The following TPD52 variants were observed in gnomAD, a reference collection of about 807,000 sequenced individuals.
TPD52 encodes prostate and colon associated protein.
TPD52 carries 17 observed loss-of-function variants against 31.3 expected under a neutral mutation model. That is an observed-to-expected ratio of 0.54 (90% CI 0.37 to 0.82). The LOEUF (loss-of-function observed/expected upper bound fraction) is 0.82. Ranked by LOEUF, TPD52 falls within the 40% of genes least tolerant of loss-of-function variation. TPD52 has a pLI of 0.00. For synonymous variants in TPD52, 83 were observed against 89.6 expected, an observed-to-expected ratio of 0.93 and a Z score of 0.42; for missense variants, 212 against 240.1, an observed-to-expected ratio of 0.88 and a Z score of 0.77.
At chr8:80,079,869 C>T (rs957868097) in intron 1 of TPD52, among the ~76,000 whole-genome samples, 5 of 151,998 alleles carry the variant, frequency 3.3e-5, no homozygotes, top group Non-Finnish European at 5.9e-5. Flanking sequence ...AAGTTGCTCT[C>T]AATATTCCAT....
intron 2 of TPD52, among the ~76,000 whole-genome samples, chr8:80,061,366 TC>T (rs1315306050): frequency 4.9e-5 from 3 of 60,666 alleles, no homozygotes; most frequent in African/African-American, 1.8e-4. Flanking sequence ...CTCCATACCT[TC>T]CCCCCCACCG....
intron 1 of TPD52, among the ~76,000 whole-genome samples, chr8:80,149,167 G>A (rs533229797): frequency 4.6e-5 from 7 of 152,260 alleles, no homozygotes; most frequent in East Asian, 1.9e-4. Flanking sequence ...CATAATTCCC[G>A]TGTGTTGTGG....
intron 1 of TPD52, among the ~76,000 whole-genome samples, chr8:80,133,036 A>G (rs1348975976): frequency 6.6e-6 from 1 of 152,218 alleles, no homozygotes; most frequent in East Asian, 1.9e-4. Flanking sequence ...CTGTTCACTG[A>G]TGAAAACTGA....
At chr8:80,166,909 A>T (rs182773464) in intron 1 of TPD52, among the ~76,000 whole-genome samples, 1 of 152,288 alleles carries the variant, frequency 6.6e-6, no homozygotes, top group East Asian at 1.9e-4. Context: ...CTGTTAAAAA[A>T]AATAATAATA....
intron 1 of TPD52, among the ~76,000 whole-genome samples, chr8:80,098,009 G>T (rs1232620973): frequency 2.6e-5 from 4 of 152,192 alleles, no homozygotes; most frequent in African/African-American, 4.8e-5. Flanking sequence ...CTCTGCCTGT[G>T]CTCTAGAAAT....
intron 1 of TPD52, among the ~76,000 whole-genome samples, chr8:80,164,398 A>G (rs1811574206): frequency 6.6e-6 from 1 of 152,216 alleles, no homozygotes; most frequent in Admixed American, 6.5e-5. Flanking sequence ...TTAGTCAATG[A>G]ATGGTGTTAG....
chr8:80,113,853 C>T (rs1303303398), intron 1 of TPD52, among the ~76,000 whole-genome samples: 2 of 152,150 alleles, frequency 1.3e-5, no homozygotes, highest in Admixed American at 6.5e-5. Flanking sequence ...TGCTAATTAC[C>T]CTGATTTGAT....
chr8:80,040,185 CTTTTTTTTTTTTT>C (rs34611433), intron 7 of TPD52, among the ~76,000 whole-genome samples: 4 of 95,686 alleles, frequency 4.2e-5, no homozygotes, highest in East Asian at 2.6e-4. Flanking sequence ...ATACGCTATC[CTTTTTTTTTTTTT>C]TTTTTTTTTT....
chr8:80,161,837 C>A (rs574083976), intron 1 of TPD52, among the ~76,000 whole-genome samples: 2 of 151,404 alleles, frequency 1.3e-5, no homozygotes. Context: ...TCAAGCGATT[C>A]TCTTGCCTCA....
chr8:80,041,789 T>C (rs1810407236), intron 7 of TPD52, among the ~76,000 whole-genome samples: 1 of 151,864 alleles, frequency 6.6e-6, no homozygotes, highest in Admixed American at 6.6e-5. Context: ...ACAAATAATA[T>C]CCATTATAAG....
intron 7 of TPD52, 103 bp downstream of exon 7, chr8:80,042,517 A>G: frequency 6.6e-7 from 1 of 1,519,892 alleles, no homozygotes; most frequent in Non-Finnish European, 8.8e-7. Flanking sequence ...CATTCTTTAG[A>G]TATTTTTAGA....
chr8:80,071,096 C>T (rs1334345380), intron 1 of TPD52, among the ~76,000 whole-genome samples: 5 of 152,108 alleles, frequency 3.3e-5, no homozygotes, highest in Admixed American at 1.3e-4. Flanking sequence ...ACACCAGAAG[C>T]GAGGAGGCAG....
At position 80,171,462 on chromosome 8, in the gene TPD52, C is replaced by A. The variant is rs1179860702; in HGVS notation, c.-19G>T. 3 of 1,583,094 alleles carry A rather than the reference C, an allele frequency of 1.9e-6. No homozygotes were observed. The African/African-American group carries it at 4.2e-5, about 22-fold the overall frequency. The stretch of plus-strand genomic sequence containing the variant: ...GGTCCATGTCTCCAGCCCGCCGCCT[C>A]GTGTCCTCTGCAGCACCCCCGCCTG... On this transcript the variant is annotated 5_prime_UTR_variant, in exon 1 of 8. Coordinates refer to ENST00000518937, the MANE Select transcript of TPD52 (RefSeq NM_001025253.3).
chr8:80,050,369 T>C lies in TPD52; in HGVS notation c.413+76A>G, dbSNP rs1448762321. On this transcript the variant is annotated intron_variant, in intron 5 of 7. Transcript: ENST00000518937. ...ACTGGACAAACACGATCATCCAACGTAGCATGGTAATCTAATCTCAGCACA... is the reference window on the plus strand; with the variant it reads ...ACTGGACAAACACGATCATCCAACGCAGCATGGTAATCTAATCTCAGCACA... 3 of 1,426,092 alleles carry C rather than the reference T, an allele frequency of 2.1e-6. No individual in the cohort carries two copies. In the East Asian group the frequency reaches 7.2e-5, roughly 34 times the overall value. 88.3% of individuals were successfully genotyped at this position (1,426,092 alleles called of 1,614,324 possible).
At chr8:80,164,013 T>TGAGAGAGAGAGAGAGA (rs36124247) in intron 1 of TPD52, among the ~76,000 whole-genome samples, 1 of 123,572 alleles carries the variant, frequency 8.1e-6, no homozygotes, top group Non-Finnish European at 1.7e-5. Context: ...ATTCTAACTG[T>TGAGAGAGAGAGAGAGA]GAGAGAGAGA....
intron 1 of TPD52, among the ~76,000 whole-genome samples, chr8:80,122,302 G>A (rs1029908284): frequency 2.0e-5 from 3 of 152,168 alleles, no homozygotes; most frequent in African/African-American, 7.2e-5. Flanking sequence ...CAGAAGCAAG[G>A]TGAATGGGTA....
chr8:80,162,910 A>C (rs1486906188), intron 1 of TPD52, among the ~76,000 whole-genome samples: 1 of 152,004 alleles, frequency 6.6e-6, no homozygotes, highest in East Asian at 1.9e-4. Flanking sequence ...TGGGTGACAG[A>C]GTGAGACTGT....
At chr8:80,052,589 A>AC in intron 3 of TPD52, 1 of 1,283,182 alleles carries the variant, frequency 7.8e-7, no homozygotes, top group Non-Finnish European at 1.0e-6. Context: ...AAATTGTAAA[A>AC]CAACTTCTGT....
intron 1 of TPD52, among the ~76,000 whole-genome samples, chr8:80,164,652 G>A (rs1424349803): frequency 6.6e-6 from 1 of 152,166 alleles, no homozygotes; most frequent in Non-Finnish European, 1.5e-5. Context: ...GGGACGCCCA[G>A]GTGGGCAGAT....
Sources: allele counts gnomAD v4.1 joint callset (sites outside exome capture counted in the v4.1 genomes callset), GRCh38; gene constraint gnomAD v4.1.1; transcripts MANE v1.5; gene names NCBI Gene and HGNC (gene_info 2026-07-23, HGNC 2026-07-21).